The following TMPO variants were observed in gnomAD, a reference collection of about 807,000 sequenced individuals.
TMPO encodes thymopoietin.
TMPO carries 22 observed loss-of-function variants against 45.4 expected under a neutral mutation model. That is an observed-to-expected ratio of 0.48 (90% CI 0.35 to 0.69). The LOEUF (loss-of-function observed/expected upper bound fraction) is 0.69, where lower values mean the gene tolerates loss of function less well. Ranked by LOEUF, TMPO falls within the 30% of genes least tolerant of loss-of-function variation. The pLI is 0.01. For synonymous variants in TMPO, 241 were observed against 204.1 expected (o/e 1.18, Z -1.54); for missense variants, 512 against 548.8 (o/e 0.93, Z 0.67).
chr12:98,544,638 G>GTTTTT, intron 6 of TMPO, 101 bp downstream of exon 6: 2 of 763,558 alleles, frequency 2.6e-6, no homozygotes, highest in Non-Finnish European at 2.0e-6. Flanking sequence ...AAATTTACAT[G>GTTTTT]TTTTTTTTTT....
chr12:98,531,751 A>C lies in TMPO; in HGVS notation c.478A>C (p.Thr160Pro), dbSNP rs770948908. The change falls in exon 3 of 9, where the codon ACT becomes CCT. Residue 160 changes from threonine to proline, a missense_variant. By Grantham distance (38) the Thr-to-Pro change is conservative. Transcript: ENST00000556029. Reference protein sequence around the residue: ...REQGTESRSSTPLPTISSSAE... With the variant: ...REQGTESRSSPPLPTISSSAE... ...ACAAGGAACAGAATCAAGATCTTCT[A>C]CTCCTCTGCCAACAATTTCTTCTTC... 1.2e-6 allele frequency: 2 copies of C among 1,613,592 alleles called. No homozygotes were observed. The highest frequency in any genetic ancestry group is 4.5e-5 in the East Asian group (2 of 44,822).
chr12:98,538,442 T>C lies in TMPO; in HGVS notation c.663+870T>C, dbSNP rs1052103497. On this transcript the variant is annotated intron_variant, in intron 4 of 8. Coordinates refer to ENST00000556029, the MANE Select transcript of TMPO (RefSeq NM_001032283.3). Reference sequence around the variant, plus strand: ...TCCCATCTCATTGCAACCTCCACCCTGCTGGGCTCAAGCGATTCTCCTGCC... The same window carrying C: ...TCCCATCTCATTGCAACCTCCACCCCGCTGGGCTCAAGCGATTCTCCTGCC... 1.1e-4 allele frequency among the ~76,000 whole-genome samples: 16 copies of C among 152,188 alleles called. 1 individual carries two copies. Among genetic ancestry groups the C allele is most frequent in the African/African-American group, 3.9e-4 (16 of 41,446 alleles).
In TMPO at chr12:98,527,931, G is replaced by A; in HGVS notation, c.325G>A (p.Asp109Asn). ...TDKPRQEDKD[D>N]LDVTELTNED... ...TAAACCCAGACAAGAAGATAAAGAT[G>A]ATCTAGATGTAACAGAGCTCACTAA... Residue 109 changes from aspartate to asparagine, a missense_variant, in exon 2 of 9, where the codon GAT (aspartate) becomes AAT (asparagine). Asp to Asn is a conservative substitution (Grantham distance 23). This residue lies in a region of TMPO where 299 missense variants were observed against 296.7 expected (regional missense o/e 1.01). Transcript: ENST00000556029. 1.2e-6 allele frequency: 2 copies of A among 1,613,884 alleles called. No individual in the cohort carries two copies. Among genetic ancestry groups the A allele is most frequent in the Non-Finnish European group, 1.7e-6 (2 of 1,179,866 alleles).
At chr12:98,541,954 A>G (rs550980458) in intron 4 of TMPO, among the ~76,000 whole-genome samples, 62 of 152,328 alleles carry the variant, frequency 4.1e-4, no homozygotes, top group African/African-American at 1.4e-3. Context: ...GAACGTAGCC[A>G]TCTTCCTCAT....
Position 98,515,844 on chromosome 12 carries a change from G to T in TMPO, c.-24G>T, listed in dbSNP as rs755072370. The T allele has an allele frequency of 1.2e-6, 2 of 1,602,836 alleles. No homozygotes were observed. Among genetic ancestry groups the T allele is most frequent in the South Asian group, 2.2e-5 (2 of 89,702 alleles). On this transcript the variant is annotated 5_prime_UTR_variant, in exon 1 of 9. Coordinates refer to ENST00000556029, the MANE Select transcript of TMPO (RefSeq NM_001032283.3). ...GAGCGGCGGCGGCAAAGGCTGTGGG[G>T]AGGGGGCTTCGCAGATCCCCGAGAT...
intron 4 of TMPO, 153 bp from the exon 5 acceptor site, chr12:98,544,077 A>C: frequency 1.2e-6 from 1 of 803,198 alleles, no homozygotes; most frequent in Non-Finnish European, 2.0e-6. Context: ...CAGTTCAATT[A>C]ATACATTTAG....
chr12:98,516,014 C>G lies in TMPO; in HGVS notation c.147C>G (p.Asn49Lys). Residue 49 changes from asparagine (N) to lysine (K), a missense_variant, in exon 1 of 9, where the codon AAC becomes AAG. Transcript: ENST00000556029. ...ACCTGCAGCACCTCACGGCTCGCAA[C>G]CGGCCGCCGCTCCCCGCCGGCACCA... is the stretch of plus-strand genomic sequence containing the variant. Reference protein sequence around the residue: ...QLYLQHLTARNRPPLPAGTNS... With the variant: ...QLYLQHLTARKRPPLPAGTNS... 1 of 1,609,176 alleles carries G rather than the reference C, an allele frequency of 6.2e-7. No individual in the cohort carries two copies.
At chr12:98,528,147 T>G in intron 2 of TMPO, 135 bp downstream of exon 2, 1 of 945,278 alleles carries the variant, frequency 1.1e-6, no homozygotes, top group Non-Finnish European at 1.6e-6. Flanking sequence ...AGAACCTGTG[T>G]TTCTTTGACT....
At chr12:98,543,490 A>G (rs1019742272) in intron 4 of TMPO, among the ~76,000 whole-genome samples, 1 of 152,226 alleles carries the variant, frequency 6.6e-6, no homozygotes, top group African/African-American at 2.4e-5. Flanking sequence ...GTATGTAAGA[A>G]ATGCTGGATT....
At chr12:98,541,334 G>T (rs1261394073) in intron 4 of TMPO, among the ~76,000 whole-genome samples, 2 of 152,132 alleles carry the variant, frequency 1.3e-5, no homozygotes, top group East Asian at 1.9e-4. Flanking sequence ...GTAGTGCTAG[G>T]TAAATCATGA....
At chr12:98,516,728 CTT>C (rs1398984941) in intron 1 of TMPO, among the ~76,000 whole-genome samples, 1 of 152,224 alleles carries the variant, frequency 6.6e-6, no homozygotes, top group African/African-American at 2.4e-5. Flanking sequence ...AACAGGCCAT[CTT>C]TTGGCGGAAC....
intron 3 of TMPO, chr12:98,534,693 A>G: frequency 9.1e-7 from 1 of 1,100,678 alleles, no homozygotes; most frequent in Non-Finnish European, 1.1e-6. Flanking sequence ...AATAATATGC[A>G]TCCTCCTTTA....
intron 3 of TMPO, chr12:98,533,402 A>G: frequency 6.2e-7 from 1 of 1,614,196 alleles, no homozygotes; most frequent in Non-Finnish European, 8.5e-7. Context: ...GATTATGTCA[A>G]TTCTCTGTTG....
At position 98,546,402 on chromosome 12, in the gene TMPO, T is replaced by A. The variant is rs1259665262; in HGVS notation, c.1034T>A (p.Leu345His). The A allele has an allele frequency of 6.2e-7, 1 of 1,612,918 alleles. No individual in the cohort carries two copies. Among genetic ancestry groups the A allele is most frequent in the Non-Finnish European group, 8.5e-7 (1 of 1,179,070 alleles). The change falls in exon 8 of 9, where the codon CTT (leucine) becomes CAT (histidine). Residue 345 changes from leucine to histidine, a missense_variant. By Grantham distance (99) the Leu-to-His change is moderately conservative. This residue lies in a region of TMPO where 209 missense variants were observed against 235.1 expected (regional missense o/e 0.89). Transcript: ENST00000556029. ...TEERRVERDI[L>H]KEMFPYEAST... ...GAAAGAAGAGTAGAAAGGGATATTCTTAAGGAAATGTTCCCCTATGAAGCA... is the reference window on the plus strand; with the variant it reads ...GAAAGAAGAGTAGAAAGGGATATTCATAAGGAAATGTTCCCCTATGAAGCA...
At chr12:98,528,247 C>T (rs1379366243) in intron 2 of TMPO, among the ~76,000 whole-genome samples, 19 of 136,282 alleles carry the variant, frequency 1.4e-4, no homozygotes, top group African/African-American at 5.3e-4. Flanking sequence ...GTGCTTATAT[C>T]GTACTTTTTT....
chr12:98,518,960 C>T (rs935800417), intron 1 of TMPO, among the ~76,000 whole-genome samples: 1 of 151,922 alleles, frequency 6.6e-6, no homozygotes, highest in Admixed American at 6.6e-5. Context: ...TGGCTCACTG[C>T]AAGCTCTGCC....
chr12:98,546,010 G>A (rs1878208000), intron 7 of TMPO, among the ~76,000 whole-genome samples: 1 of 152,218 alleles, frequency 6.6e-6, no homozygotes, highest in African/African-American at 2.4e-5. Flanking sequence ...TGGGATTACA[G>A]GCGTGAGCCA....
intron 3 of TMPO, chr12:98,534,973 T>G: frequency 5.7e-6 from 5 of 878,484 alleles, no homozygotes; most frequent in Non-Finnish European, 6.8e-6. Context: ...ACTTTTTAGG[T>G]CAATGACAGG....
intron 1 of TMPO, among the ~76,000 whole-genome samples, chr12:98,520,286 C>CTTCT (rs2121125525): frequency 7.0e-6 from 1 of 142,526 alleles, no homozygotes; most frequent in East Asian, 2.2e-4. Flanking sequence ...TCCTTCCTTC[C>CTTCT]TTCCTTCCTT....
Sources: allele counts gnomAD v4.1 joint callset (sites outside exome capture counted in the v4.1 genomes callset), GRCh38; gene constraint gnomAD v4.1.1; regional missense constraint gnomAD v4.1.1; transcripts MANE v1.5; gene names NCBI Gene and HGNC (gene_info 2026-07-23, HGNC 2026-07-21).